CNTLN: variants seen among roughly 807,000 people sequenced by gnomAD.
The protein encoded by CNTLN is centlein, centrosomal protein.
A neutral mutation model predicts 180.0 loss-of-function variants in CNTLN; 212 were observed. The observed-to-expected ratio is 1.18, with a 90% CI of 1.05 to 1.32. CNTLN has a LOEUF of 1.32. Ranked by LOEUF, CNTLN falls within the 40% of genes most tolerant of loss-of-function variation. The pLI is 0.00. For synonymous variants in CNTLN, 722 were observed against 563.1 expected (o/e 1.28, Z -3.99); for missense variants, 2,095 against 1,610.9 (o/e 1.30, Z -5.14).
intron 13 of CNTLN, among the ~76,000 whole-genome samples, chr9:17,369,241 A>G (rs1006080872): frequency 7.2e-5 from 11 of 152,028 alleles, no homozygotes; most frequent in African/African-American, 2.7e-4. Context: ...CCTTGTGAAG[A>G]AGGTGCCTTG....
chr9:17,464,419 A>G, intron 20 of CNTLN, 78 bp from the exon 21 acceptor site: 1 of 1,247,288 alleles, frequency 8.0e-7, no homozygotes, highest in Non-Finnish European at 1.1e-6. Flanking sequence ...AGTAGGTATA[A>G]TATTGGATAA....
At chr9:17,203,967 T>C (rs1428394719) in intron 2 of CNTLN, among the ~76,000 whole-genome samples, 1 of 152,246 alleles carries the variant, frequency 6.6e-6, no homozygotes, top group African/African-American at 2.4e-5. Context: ...TTGATACTTG[T>C]GTTTGCTTCA....
At chr9:17,439,878 G>T (rs1017735031) in intron 18 of CNTLN, among the ~76,000 whole-genome samples, 1 of 152,194 alleles carries the variant, frequency 6.6e-6, no homozygotes. Context: ...CCAGACACCA[G>T]ATCTATCCAC....
chr9:17,188,757 A>T (rs1174685646), intron 2 of CNTLN, among the ~76,000 whole-genome samples: 3 of 152,102 alleles, frequency 2.0e-5, no homozygotes, highest in Non-Finnish European at 4.4e-5. Context: ...AAAAATATAT[A>T]TTCACTTTCT....
rs41306071 is a variant in CNTLN at position 17,135,117 on chromosome 9, C to G, written c.52C>G (p.Leu18Val). 7 of 1,605,290 alleles carry G rather than the reference C, an allele frequency of 4.4e-6. No individual in the cohort carries two copies. Among genetic ancestry groups the G allele is most frequent in the Non-Finnish European group, 5.1e-6 (6 of 1,177,124 alleles). The change falls in exon 1 of 26, where the codon CTG becomes GTG. Residue 18 changes from leucine to valine, a missense_variant. Transcript: ENST00000380647. ...SPHPSPPARQ[L>V]GPRSPRVGRG... ...GCACCCTTCGCCCCCAGCGCGACAGCTGGGCCCCAGGTCCCCACGTGTTGG... is the reference window on the plus strand; with the variant it reads ...GCACCCTTCGCCCCCAGCGCGACAGGTGGGCCCCAGGTCCCCACGTGTTGG...
rs373001973 is a variant in CNTLN, at chr9:17,298,242, G to A, written c.1036G>A (p.Ala346Thr). Residue 346 changes from alanine to threonine, a missense_variant, in exon 7 of 26, where the codon GCC becomes ACC. By Grantham distance (58) the Ala-to-Thr change is moderately conservative. Transcript: ENST00000380647. The stretch of plus-strand genomic sequence containing the variant: ...TTACAAACAGAACAGTACACATACA[G>A]CCCAGCAAGCAGAGCTGATCCAGCA... Reference protein sequence around the residue: ...NLYKQNSTHTAQQAELIQQLQ... With the variant: ...NLYKQNSTHTTQQAELIQQLQ... 6.2e-7 allele frequency: 1 copy of A among 1,611,626 alleles called. No individual in the cohort carries two copies. Among genetic ancestry groups the A allele is most frequent in the Non-Finnish European group, 8.5e-7 (1 of 1,179,214 alleles).
chr9:17,264,463 G>T (rs1217269188), intron 5 of CNTLN, among the ~76,000 whole-genome samples: 1 of 149,552 alleles, frequency 6.7e-6, no homozygotes, highest in East Asian at 2.1e-4. Flanking sequence ...AGTATAGTTT[G>T]AAGTCAGGTA....
chr9:17,189,420 C>T (rs553805840), intron 2 of CNTLN, among the ~76,000 whole-genome samples: 21 of 150,844 alleles, frequency 1.4e-4, no homozygotes, highest in Admixed American at 9.2e-4. Flanking sequence ...AGGCTTAGAG[C>T]GATAGAGCAG....
intron 1 of CNTLN, among the ~76,000 whole-genome samples, chr9:17,137,051 A>C (rs1817767360): frequency 6.6e-6 from 1 of 152,196 alleles, no homozygotes; most frequent in African/African-American, 2.4e-5. Context: ...AGTCTATTGG[A>C]AACAGCCTGA....
At chr9:17,395,332 T>G (rs914320652) in intron 15 of CNTLN, among the ~76,000 whole-genome samples, 2 of 152,176 alleles carry the variant, frequency 1.3e-5, no homozygotes, top group Non-Finnish European at 2.9e-5. Context: ...TGATGCTATT[T>G]TCATGCAGTC....
At chr9:17,212,554 A>G (rs1238130992) in intron 2 of CNTLN, among the ~76,000 whole-genome samples, 1 of 152,108 alleles carries the variant, frequency 6.6e-6, no homozygotes. Flanking sequence ...TGGTATCAGG[A>G]TGATGCTGGC....
intron 7 of CNTLN, chr9:17,300,934 A>G: frequency 1.0e-6 from 1 of 972,516 alleles, no homozygotes; most frequent in Non-Finnish European, 1.2e-6. Flanking sequence ...TACTTCCTTT[A>G]TTCTACAACT....
At position 17,164,935 on chromosome 9, in the gene CNTLN, A is replaced by C. The variant is rs370715481; in HGVS notation, c.449+21559A>C. Among the ~76,000 whole-genome samples the C allele has an allele frequency of 1.5e-4, 23 of 149,106 alleles. No homozygotes were observed. In the East Asian group the frequency reaches 2.0e-3, roughly 13 times the overall value. ...ACTGCGACCTCTGCCACCCGAGTTC[A>C]AGTGATTCTCCTGCCTCAGCCTCCC... On this transcript the variant is annotated intron_variant, in intron 2 of 25. Transcript: ENST00000380647.
intron 8 of CNTLN, among the ~76,000 whole-genome samples, chr9:17,330,259 AC>A (rs1386350520): frequency 1.3e-5 from 2 of 152,072 alleles, no homozygotes; most frequent in East Asian, 3.9e-4. Context: ...GTATTGTATG[AC>A]TCTTGATGAC....
At chr9:17,487,459 T>C (rs554732679) in intron 25 of CNTLN, among the ~76,000 whole-genome samples, 142 of 152,288 alleles carry the variant, frequency 9.3e-4, no homozygotes, top group Non-Finnish European at 2.2e-4. Flanking sequence ...ACTATGGACC[T>C]GTTTCCAGTC....
At position 17,190,635 on chromosome 9, in the gene CNTLN, A is replaced by G. The variant is rs1185880715; in HGVS notation, c.450-35568A>G. Reference sequence around the variant, plus strand: ...TTATATCTGGAATTTCTTAGTGGTCAAAAATTTATGCAAAAACATCTCTTT... The same window carrying G: ...TTATATCTGGAATTTCTTAGTGGTCGAAAATTTATGCAAAAACATCTCTTT... On this transcript the variant is annotated intron_variant, in intron 2 of 25. Coordinates refer to ENST00000380647, the MANE Select transcript of CNTLN (RefSeq NM_017738.4). Among the ~76,000 whole-genome samples, 6 of 152,172 alleles carry G rather than the reference A, an allele frequency of 3.9e-5. 1 individual carries two copies. The highest frequency in any genetic ancestry group is 3.9e-4 in the Admixed American group (6 of 15,274).
intron 5 of CNTLN, among the ~76,000 whole-genome samples, chr9:17,263,035 A>T (rs1323306183): frequency 6.6e-6 from 1 of 151,068 alleles, no homozygotes; most frequent in Admixed American, 6.6e-5. Context: ...AGGTTTATCA[A>T]TTTTTTTAAT....
At chr9:17,299,610 A>C (rs1818207630) in intron 7 of CNTLN, 1 of 985,268 alleles carries the variant, frequency 1.0e-6, no homozygotes, top group Non-Finnish European at 1.2e-6. Flanking sequence ...AGATGATAGC[A>C]AGCAGGAAGA....
At chr9:17,150,790 T>G (rs957704072) in intron 2 of CNTLN, among the ~76,000 whole-genome samples, 2 of 152,184 alleles carry the variant, frequency 1.3e-5, no homozygotes, top group East Asian at 1.9e-4. Flanking sequence ...GAGCATGGAA[T>G]TTTTTTCCAT....
Sources: gnomAD v4.1 joint callset for allele counts (sites outside exome capture counted in the v4.1 genomes callset) on GRCh38, gnomAD v4.1.1 for gene constraint, MANE v1.5 for transcripts, NCBI Gene and HGNC (gene_info 2026-07-23, HGNC 2026-07-21) for gene names.